Variants in IKZF1 observed in about 807,000 individuals in gnomAD.
IKZF1 encodes IKAROS family zinc finger 1.
Under a neutral mutation model 51.7 loss-of-function variants are expected in IKZF1, and 10 were observed. The observed-to-expected ratio is 0.19, with a 90% CI of 0.12 to 0.33. The LOEUF (loss-of-function observed/expected upper bound fraction) is 0.33, where lower values mean the gene tolerates loss of function less well. Ranked by LOEUF, IKZF1 falls within the 10% of genes least tolerant of loss-of-function variation. IKZF1 has a pLI of 1.00. For synonymous variants in IKZF1, 280 were observed against 282.3 expected, an observed-to-expected ratio of 0.99 and a Z score of 0.08; for missense variants, 484 against 707.5, an observed-to-expected ratio of 0.68 and a Z score of 3.58.
At chr7:50,342,441 T>C (rs1352278645) in intron 3 of IKZF1, among the ~76,000 whole-genome samples, 2 of 152,218 alleles carry the variant, frequency 1.3e-5, no homozygotes, top group Non-Finnish European at 2.9e-5. Flanking sequence ...ATTTTTGAAA[T>C]GAGGTAGCTG....
intron 3 of IKZF1, among the ~76,000 whole-genome samples, chr7:50,342,982 C>T (rs1276811402): frequency 6.6e-6 from 1 of 152,194 alleles, no homozygotes. Context: ...TGTTTGCTTG[C>T]CCTTTTGTTT....
intron 3 of IKZF1, among the ~76,000 whole-genome samples, chr7:50,358,931 G>A (rs1014760163): frequency 6.6e-6 from 1 of 151,900 alleles, no homozygotes; most frequent in African/African-American, 2.4e-5. Context: ...CCTTCCTTAT[G>A]TCTTCTCACA....
rs1169631265 is a variant in IKZF1 at position 50,402,340 on chromosome 7, C to G, written c.*1713C>G. The G allele has an allele frequency of 4.3e-6, 1 of 230,292 alleles. No homozygotes were observed. The highest frequency in any genetic ancestry group is 6.1e-5 in the East Asian group (1 of 16,358). The allele number at this position is 230,292 out of a possible 1,614,324, so 14.3% of individuals were successfully genotyped here. A position where few individuals can be genotyped will look rare whatever the true frequency, so the allele number is the denominator to read the frequency against. On this transcript the variant is annotated 3_prime_UTR_variant, in exon 8 of 8. Transcript: ENST00000331340. ...AGTCTCAGCACTATGACATTTTGGG[C>G]TGACTACTTATTTGTTAGGCGGGAG...
intron 2 of IKZF1, among the ~76,000 whole-genome samples, chr7:50,323,455 A>C (rs1793984023): frequency 6.6e-6 from 1 of 152,370 alleles, no homozygotes; most frequent in African/African-American, 2.4e-5. Context: ...AACTTTGTTG[A>C]GTGAATTATA....
intron 1 of IKZF1, chr7:50,318,286 T>A (rs918229907): frequency 7.8e-5 from 18 of 231,150 alleles, no homozygotes; most frequent in African/African-American, 4.0e-4. Context: ...TCTTCCCAGT[T>A]GTTTCTTTCT....
At chr7:50,391,897 A>G (rs1421246089) in intron 7 of IKZF1, 34 bp downstream of exon 7, 2 of 1,589,490 alleles carry the variant, frequency 1.3e-6, no homozygotes, top group Non-Finnish European at 1.7e-6. Flanking sequence ...TCTTAAAAAA[A>G]AACTATGTGG....
chr7:50,313,277 C>T (rs1394876725), intron 1 of IKZF1, among the ~76,000 whole-genome samples: 1 of 152,156 alleles, frequency 6.6e-6, no homozygotes, highest in Non-Finnish European at 1.5e-5. Flanking sequence ...AAATAAATTA[C>T]AGGCTTGGTC....
intron 7 of IKZF1, among the ~76,000 whole-genome samples, chr7:50,392,410 C>G (rs552723141): frequency 6.6e-5 from 10 of 152,120 alleles, no homozygotes; most frequent in South Asian, 2.1e-4. Context: ...AGAAGAAGAA[C>G]AAGACCATTC....
At chr7:50,388,784 T>C (rs1178482146) in intron 6 of IKZF1, among the ~76,000 whole-genome samples, 1 of 152,210 alleles carries the variant, frequency 6.6e-6, no homozygotes, top group Non-Finnish European at 1.5e-5. Context: ...TGAAATAAAA[T>C]GTCAACATTC....
chr7:50,329,796 G>A (rs144661212), intron 3 of IKZF1, among the ~76,000 whole-genome samples: 1,794 of 152,332 alleles, frequency 0.012, 149 homozygotes, highest in Admixed American at 0.11. Flanking sequence ...AGAGAGCCTG[G>A]ATGTCAGAGT....
intron 2 of IKZF1, among the ~76,000 whole-genome samples, chr7:50,322,361 C>T (rs1003115689): frequency 5.9e-5 from 9 of 152,160 alleles, no homozygotes; most frequent in East Asian, 1.9e-4. Context: ...CTAATGTATG[C>T]GAAATGCTAG....
At chr7:50,318,158 T>C (rs1477890430) in intron 1 of IKZF1, among the ~76,000 whole-genome samples, 1 of 2,506 alleles carries the variant, frequency 4.0e-4, no homozygotes, top group African/African-American at 4.4e-4. Flanking sequence ...AGGACCCAAG[T>C]GCGAAAACAC....
In IKZF1 at chr7:50,376,888, G is replaced by A. The variant is rs1810436869; in HGVS notation, c.421+95G>A. The A allele has an allele frequency of 4.0e-6, 6 of 1,516,846 alleles. No individual in the cohort carries two copies. Among genetic ancestry groups the A allele is most frequent in the African/African-American group, 2.8e-5 (2 of 72,102 alleles). 94.0% of individuals were successfully genotyped at this position (1,516,846 alleles called of 1,614,324 possible). ...CCTGTCTTCCTTGTGTTCTGAGCAT[G>A]TTTCTAATTGACTGGTAGCTCAGTT... is the stretch of plus-strand genomic sequence containing the variant. On this transcript the variant is annotated intron_variant, in intron 4 of 7. Transcript: ENST00000331340. The surrounding 1 kb of genome is among the most constrained non-coding windows in gnomAD (Gnocchi z 4.5).
chr7:50,397,109 A>T (rs1816915521), intron 7 of IKZF1, among the ~76,000 whole-genome samples: 1 of 152,154 alleles, frequency 6.6e-6, no homozygotes, highest in Non-Finnish European at 1.5e-5. Flanking sequence ...GTTATTCTTG[A>T]CTCACACCTA....
rs566855735 is a variant in IKZF1, at chr7:50,344,315, A to G, written c.160+16558A>G. Among the ~76,000 whole-genome samples the G allele has an allele frequency of 2.6e-5, 4 of 152,346 alleles. 1 individual carries two copies. The South Asian group carries it at 8.3e-4, about 32-fold the overall frequency. The stretch of plus-strand genomic sequence containing the variant: ...GTGTCTAGTGTGTGACTGTCCTCAC[A>G]TGTAGATGACCCAGGCCACATCCGC... On this transcript the variant is annotated intron_variant, in intron 3 of 7. Coordinates refer to ENST00000331340, the MANE Select transcript of IKZF1 (RefSeq NM_006060.6).
chr7:50,357,125 G>A (rs543018576), intron 3 of IKZF1, among the ~76,000 whole-genome samples: 7 of 152,022 alleles, frequency 4.6e-5, no homozygotes, highest in Admixed American at 1.3e-4. Context: ...CTCTCTCTCT[G>A]CCTGTGGAGT....
chr7:50,315,168 CTGTT>C (rs71852341), intron 1 of IKZF1, among the ~76,000 whole-genome samples: 2,880 of 152,274 alleles, frequency 0.019, 48 homozygotes, highest in East Asian at 0.042. Context: ...CTACTTGACA[CTGTT>C]TGGTCAGAAA....
chr7:50,385,825 G>A (rs1032208623), intron 5 of IKZF1, among the ~76,000 whole-genome samples: 4 of 152,170 alleles, frequency 2.6e-5, no homozygotes, highest in Non-Finnish European at 5.9e-5. Flanking sequence ...AATATTCTGT[G>A]TTTCAACATT....
chr7:50,357,917 G>A (rs753177267), intron 3 of IKZF1, among the ~76,000 whole-genome samples: 24 of 152,246 alleles, frequency 1.6e-4, no homozygotes, highest in South Asian at 1.5e-3. Flanking sequence ...ATCTGGAGTC[G>A]GAGTTTCTCT....
Sources: gnomAD v4.1 joint callset for allele counts (sites outside exome capture counted in the v4.1 genomes callset) on GRCh38, gnomAD v4.1.1 for gene constraint, Gnocchi (gnomAD v3.1) non-coding constraint, MANE v1.5 for transcripts, NCBI Gene and HGNC (gene_info 2026-07-23, HGNC 2026-07-21) for gene names.